Variants in GSDMA observed in about 807,000 individuals in gnomAD.
GSDMA encodes gasdermin-A.
GSDMA carries 55 observed loss-of-function variants against 54.3 expected under a neutral mutation model. The observed-to-expected ratio is 1.01, with a 90% CI of 0.82 to 1.27. GSDMA has a LOEUF of 1.27. Among genes scored for constraint, GSDMA ranks in the 50% most tolerant of loss-of-function variants. The pLI, the probability that GSDMA is intolerant of heterozygous loss-of-function variation, is 0.00. For missense variants in GSDMA, 542 were observed against 542.6 expected (o/e 1.00, Z 0.01); for synonymous variants, 211 against 224.7 (o/e 0.94, Z 0.54).
chr17:39,976,919 C>A lies in GSDMA; in HGVS notation c.1199C>A (p.Thr400Lys). 1 of 1,614,002 alleles carries A rather than the reference C, an allele frequency of 6.2e-7. No individual in the cohort carries two copies. Among genetic ancestry groups the A allele is most frequent in the South Asian group, 1.1e-5 (1 of 91,082 alleles). The stretch of plus-strand genomic sequence containing the variant: ...CTTGGGGACGAGGAGCTGACCCTCA[C>A]GGAGGCTCTAGTCGGGCTGAGTGGC... Reference protein sequence around the residue: ...SSLGDEELTLTEALVGLSGLE... With the variant: ...SSLGDEELTLKEALVGLSGLE... Residue 400 changes from threonine (T) to lysine (K), a missense_variant, in exon 12 of 12, where the codon ACG becomes AAG. Transcript: ENST00000301659.
At chr17:39,969,222 C>T (rs1012121266) in intron 3 of GSDMA, among the ~76,000 whole-genome samples, 1 of 151,564 alleles carries the variant, frequency 6.6e-6, no homozygotes, top group Non-Finnish European at 1.5e-5. Flanking sequence ...CATGGTGGTG[C>T]GCCTAGAGTC....
At chr17:39,963,727 G>A (rs539708120) in intron 1 of GSDMA, among the ~76,000 whole-genome samples, 56 of 152,216 alleles carry the variant, frequency 3.7e-4, no homozygotes, top group African/African-American at 1.2e-3. Context: ...GGTGGCAGGC[G>A]CCTGTAATCC....
chr17:39,970,583 TG>T lies in GSDMA; in HGVS notation c.496del (p.Glu166SerfsTer24). On this transcript the variant is annotated frameshift_variant, in exon 4 of 12. Coordinates refer to ENST00000301659, the MANE Select transcript of GSDMA (RefSeq NM_178171.5). LOFTEE classifies it high-confidence loss of function. Reference sequence around the variant, plus strand: ...GTGGAGACGGTGCAGGAGGTCACACTGGAGCGAGCCGGCAAGGCAGAGGCCT... The same window carrying T: ...GTGGAGACGGTGCAGGAGGTCACACTGAGCGAGCCGGCAAGGCAGAGGCCT... ...EVVETVQEVTLERAGKAEACF... is the reference protein window; with the variant it reads ...EVVETVQEVTXERAGKAEACF... 1 of 1,606,160 alleles carries T rather than the reference TG, an allele frequency of 6.2e-7. No individual in the cohort carries two copies. Among genetic ancestry groups the T allele is most frequent in the Non-Finnish European group, 8.5e-7 (1 of 1,176,156 alleles).
chr17:39,972,688 T>A (rs1980008023), intron 7 of GSDMA, 75 bp downstream of exon 7: 1 of 1,203,380 alleles, frequency 8.3e-7, no homozygotes, highest in East Asian at 2.4e-5. Context: ...TCTTTCCTTC[T>A]GACAGGACTG....
chr17:39,965,076 C>G (rs1423269568), intron 1 of GSDMA, among the ~76,000 whole-genome samples: 2 of 151,546 alleles, frequency 1.3e-5, no homozygotes, highest in Admixed American at 1.3e-4. Flanking sequence ...GCTGTGATCA[C>G]GCCACTGCAC....
Position 39,977,225 on chromosome 17 carries a change from T to G in GSDMA, c.*167T>G. Reference sequence around the variant, plus strand: ...ACCTGCCCAACCATATATCACCCCCTACCCCTCCAGCTCCGCAACCCACTA... The same window carrying G: ...ACCTGCCCAACCATATATCACCCCCGACCCCTCCAGCTCCGCAACCCACTA... On this transcript the variant is annotated 3_prime_UTR_variant, in exon 12 of 12. Coordinates refer to ENST00000301659, the MANE Select transcript of GSDMA (RefSeq NM_178171.5). The G allele has an allele frequency of 1.4e-6, 1 of 702,182 alleles. No individual in the cohort carries two copies. 43.5% of individuals were successfully genotyped at this position (702,182 alleles called of 1,614,324 possible). A position where few individuals can be genotyped will look rare whatever the true frequency, so the allele number is the denominator to read the frequency against.
At chr17:39,969,344 T>TA (rs5820313) in intron 3 of GSDMA, among the ~76,000 whole-genome samples, 59,534 of 135,054 alleles carry the variant, frequency 0.44, 12,924 homozygotes, top group Admixed American at 0.53. Flanking sequence ...AGTGGGACCT[T>TA]AAAAAAAAAA....
chr17:39,974,640 CA>C (rs1254701280), intron 9 of GSDMA, among the ~76,000 whole-genome samples: 1 of 152,202 alleles, frequency 6.6e-6, no homozygotes, highest in East Asian at 1.9e-4. Flanking sequence ...AAAGGGCAAA[CA>C]GTGGGTTCCC....
rs1233168328 is a variant in GSDMA at position 39,975,003 on chromosome 17, G to A, written c.1010G>A (p.Gly337Glu). Residue 337 changes from glycine to glutamate, a missense_variant, in exon 10 of 12, where the codon GGA becomes GAA. Coordinates refer to ENST00000301659, the MANE Select transcript of GSDMA (RefSeq NM_178171.5). ...EAVGAILYFVGALTELSEAQQ... is the reference protein window; with the variant it reads ...EAVGAILYFVEALTELSEAQQ... ...GTGGGCGCCATCCTCTATTTCGTTGGAGCCCTAACAGGTAAGTGGGGAATA... is the reference window on the plus strand; with the variant it reads ...GTGGGCGCCATCCTCTATTTCGTTGAAGCCCTAACAGGTAAGTGGGGAATA... 10 of 1,606,316 alleles carry A rather than the reference G, an allele frequency of 6.2e-6. No individual in the cohort carries two copies. The highest frequency in any genetic ancestry group is 1.3e-5 in the African/African-American group (1 of 74,914).
chr17:39,966,404 T>C lies in GSDMA; in HGVS notation c.359T>C (p.Val120Ala). Residue 120 changes from valine to alanine, a missense_variant, in exon 3 of 12, where the codon GTG becomes GCG. Transcript: ENST00000301659. ...NSTLEVQTLS[V>A]APKALETVQE... The stretch of plus-strand genomic sequence containing the variant: ...ACTCTGGAGGTCCAGACACTCAGTG[T>C]GGCTCCCAAGGCCCTGGAGACCGTG... 6.2e-7 allele frequency: 1 copy of C among 1,612,646 alleles called. No individual in the cohort carries two copies.
rs754048672 is a variant in GSDMA, at chr17:39,966,368, C to T, written c.323C>T (p.Ser108Leu). Residue 108 changes from serine to leucine, a missense_variant, in exon 3 of 12, where the codon TCG (serine) becomes TTG (leucine). By Grantham distance (145) the Ser-to-Leu change is moderately radical (BLOSUM62 -2). Transcript: ENST00000301659. The stretch of plus-strand genomic sequence containing the variant: ...AAGGTGAAGGGAACGGCAGGGCTCT[C>T]GCAGAACAGCACTCTGGAGGTCCAG... ...TVKVKGTAGL[S>L]QNSTLEVQTL... 1.9e-5 allele frequency: 30 copies of T among 1,613,854 alleles called. No homozygotes were observed. The highest frequency in any genetic ancestry group is 1.7e-4 in the Middle Eastern group (1 of 6,060).
At chr17:39,965,526 C>G (rs915030279) in intron 1 of GSDMA, 157 bp from the exon 2 acceptor site, 3 of 615,662 alleles carry the variant, frequency 4.9e-6, no homozygotes, top group African/African-American at 3.7e-5. Flanking sequence ...TCCCTTGATT[C>G]TTTCCAGCTG....
chr17:39,972,758 C>A, intron 7 of GSDMA, 145 bp downstream of exon 7: 1 of 816,492 alleles, frequency 1.2e-6, no homozygotes, highest in East Asian at 2.7e-5. Flanking sequence ...GGCAGAAATT[C>A]CAATAGCTTG....
rs935016282 is a variant in GSDMA at position 39,965,554 on chromosome 17, G to A, written c.-5-129G>A. The stretch of plus-strand genomic sequence containing the variant: ...TCCAGCTGTGACATGAGACAATCCA[G>A]GCATCTCTAAGAGCTCCTCCTGCCT... On this transcript the variant is annotated intron_variant, in intron 1 of 11. Transcript: ENST00000301659. The A allele has an allele frequency of 4.4e-5, 29 of 655,166 alleles. 1 individual carries two copies. The highest frequency in any genetic ancestry group is 5.5e-4 in the Middle Eastern group (2 of 3,658). The allele number at this position is 655,166 out of a possible 1,614,324, so 40.6% of individuals were successfully genotyped here.
chr17:39,965,555 G>C, intron 1 of GSDMA, 128 bp from the exon 2 acceptor site: 1 of 655,986 alleles, frequency 1.5e-6, no homozygotes, highest in Non-Finnish European at 2.7e-6. Context: ...GACAATCCAG[G>C]CATCTCTAAG....
intron 10 of GSDMA, among the ~76,000 whole-genome samples, chr17:39,975,421 C>A (rs1009288199): frequency 1.3e-5 from 2 of 148,694 alleles, no homozygotes; most frequent in Non-Finnish European, 3.0e-5. Flanking sequence ...TGCACTCCAG[C>A]CTGGGCAACA....
chr17:39,976,364 C>A (rs1279316691), intron 11 of GSDMA, among the ~76,000 whole-genome samples: 1 of 151,760 alleles, frequency 6.6e-6, no homozygotes, highest in Non-Finnish European at 1.5e-5. Flanking sequence ...CCACAACCTC[C>A]GCCTCCCGGG....
At chr17:39,976,779 C>T (rs1192009973) in intron 11 of GSDMA, 37 bp from the exon 12 acceptor site, 1 of 1,609,570 alleles carries the variant, frequency 6.2e-7, no homozygotes, top group South Asian at 1.1e-5. Flanking sequence ...GAGAGGTTTC[C>T]AGTTCTTTCT....
At chr17:39,963,382 C>T (rs1036387043) in intron 1 of GSDMA, among the ~76,000 whole-genome samples, 1 of 151,768 alleles carries the variant, frequency 6.6e-6, no homozygotes, top group Non-Finnish European at 1.5e-5. Flanking sequence ...CAGAACAGCC[C>T]CACGCATCTG....
Sources: gnomAD v4.1 joint callset for allele counts (sites outside exome capture counted in the v4.1 genomes callset) on GRCh38, gnomAD v4.1.1 for gene constraint, MANE v1.5 for transcripts, NCBI Gene and HGNC (gene_info 2026-07-23, HGNC 2026-07-21) for gene names.